The following BICC1 variants were observed in gnomAD, a reference collection of about 807,000 sequenced individuals.
BICC1 encodes protein bicaudal C homolog 1.
Under a neutral mutation model 111.0 loss-of-function variants are expected in BICC1, and 43 were observed. That is an observed-to-expected ratio of 0.39 (90% CI 0.30 to 0.50). The LOEUF is 0.50. Among genes scored for constraint, BICC1 ranks in the 20% least tolerant of loss-of-function variants. The pLI is 0.88. For missense variants in BICC1, 1,091 were observed against 1,203.2 expected, an observed-to-expected ratio of 0.91 and a Z score of 1.38; for synonymous variants, 467 against 434.4, an observed-to-expected ratio of 1.07 and a Z score of -0.93.
intron 3 of BICC1, among the ~76,000 whole-genome samples, chr10:58,783,030 C>A (rs1415317316): frequency 6.6e-6 from 1 of 152,172 alleles, no homozygotes; most frequent in African/African-American, 2.4e-5. Flanking sequence ...TTGTGCCTTG[C>A]TGTTAGGCCC....
In BICC1 at chr10:58,820,719, A is replaced by G. The variant is rs571573892; in HGVS notation, c.2794+251A>G. Among the ~76,000 whole-genome samples the G allele has an allele frequency of 2.0e-5, 3 of 152,288 alleles. No individual in the cohort carries two copies. In the East Asian group the frequency reaches 5.8e-4, roughly 29 times the overall value. ...TAGATCTCTTCAGAAAGATCTAACC[A>G]AAATCGCCCTATGCAGAACATGAGA... is the stretch of plus-strand genomic sequence containing the variant. On this transcript the variant is annotated intron_variant, in intron 20 of 20. Coordinates refer to ENST00000373886, the MANE Select transcript of BICC1 (RefSeq NM_001080512.3).
chr10:58,580,834 T>C (rs1017770794), intron 1 of BICC1, among the ~76,000 whole-genome samples: 40 of 152,318 alleles, frequency 2.6e-4, no homozygotes, highest in African/African-American at 9.1e-4. Flanking sequence ...GAGCTAGTGG[T>C]TTTTAAAGCT....
chr10:58,589,507 T>C (rs1233804000), intron 1 of BICC1, among the ~76,000 whole-genome samples: 1 of 152,098 alleles, frequency 6.6e-6, no homozygotes, highest in Non-Finnish European at 1.5e-5. Context: ...GATCTCACTT[T>C]GTCACTCAAG....
intron 3 of BICC1, among the ~76,000 whole-genome samples, chr10:58,731,510 C>T (rs1244033135): frequency 2.0e-5 from 3 of 152,128 alleles, no homozygotes; most frequent in Non-Finnish European, 4.4e-5. Flanking sequence ...CTGTATTAGT[C>T]TGTTCTTGCA....
At chr10:58,744,932 A>G (rs1199864158) in intron 3 of BICC1, among the ~76,000 whole-genome samples, 2 of 152,150 alleles carry the variant, frequency 1.3e-5, no homozygotes, top group Admixed American at 6.6e-5. Context: ...AGAAATGAGA[A>G]AGATTGACCC....
At chr10:58,764,288 A>G (rs1396377711) in intron 3 of BICC1, among the ~76,000 whole-genome samples, 2 of 152,332 alleles carry the variant, frequency 1.3e-5, no homozygotes, top group Non-Finnish European at 2.9e-5. Context: ...TCAGAGGCCC[A>G]TAATCAGCTT....
At chr10:58,704,522 A>G (rs1417919803) in intron 3 of BICC1, among the ~76,000 whole-genome samples, 1 of 152,204 alleles carries the variant, frequency 6.6e-6, no homozygotes, top group African/African-American at 2.4e-5. Context: ...GTATTTAATA[A>G]AAGTGAAATG....
At chr10:58,610,072 T>A (rs1845367653) in intron 1 of BICC1, among the ~76,000 whole-genome samples, 3 of 152,212 alleles carry the variant, frequency 2.0e-5, no homozygotes, top group South Asian at 4.1e-4. Flanking sequence ...AAGTCTTCAT[T>A]GTTAGGCCAA....
chr10:58,518,593 G>A (rs61351507), intron 1 of BICC1, among the ~76,000 whole-genome samples: 1 of 83,550 alleles, frequency 1.2e-5, no homozygotes, highest in Non-Finnish European at 2.5e-5. Flanking sequence ...TGTGTGTTGG[G>A]GGGGGGGGGG....
At chr10:58,658,567 C>T (rs1468456114) in intron 2 of BICC1, among the ~76,000 whole-genome samples, 1 of 152,102 alleles carries the variant, frequency 6.6e-6, no homozygotes, top group Non-Finnish European at 1.5e-5. Context: ...GTGTTTGTTA[C>T]TTAGCATTGT....
chr10:58,672,055 T>C (rs1364543147), intron 2 of BICC1, among the ~76,000 whole-genome samples: 1 of 152,186 alleles, frequency 6.6e-6, no homozygotes, highest in Admixed American at 6.5e-5. Context: ...GTTGGAATTT[T>C]TTAAGGTTTA....
At chr10:58,543,828 A>G (rs1467601049) in intron 1 of BICC1, among the ~76,000 whole-genome samples, 2 of 65,268 alleles carry the variant, frequency 3.1e-5, no homozygotes, top group Non-Finnish European at 3.1e-5. Context: ...TTTTTTAACC[A>G]TAATTAAAAA....
At chr10:58,757,413 T>C (rs17750848) in intron 3 of BICC1, among the ~76,000 whole-genome samples, 2,482 of 152,274 alleles carry the variant, frequency 0.016, 39 homozygotes, top group Non-Finnish European at 0.023. Flanking sequence ...ATGTTTCTAC[T>C]GGAAAATGCA....
chr10:58,606,472 T>G (rs1213653099), intron 1 of BICC1, among the ~76,000 whole-genome samples: 1 of 150,812 alleles, frequency 6.6e-6, no homozygotes, highest in Non-Finnish European at 1.5e-5. Context: ...AGATGACGAG[T>G]TAGTGGGTGC....
At chr10:58,644,825 G>T (rs1178828993) in intron 2 of BICC1, among the ~76,000 whole-genome samples, 1 of 152,072 alleles carries the variant, frequency 6.6e-6, no homozygotes, top group African/African-American at 2.4e-5. Context: ...TAAGTTAAAA[G>T]CAGTGATAGA....
Position 58,513,078 on chromosome 10 carries a change from C to A in BICC1, c.-66C>A. ...CTGGGAGCCAGTTGAGCCCGGCCGG[C>A]GAGCGGAGGCGGCAGCGCAGGCAGA... On this transcript the variant is annotated 5_prime_UTR_variant, in exon 1 of 21. Transcript: ENST00000373886. 8.1e-7 allele frequency: 1 copy of A among 1,234,382 alleles called. No individual in the cohort carries two copies. The highest frequency in any genetic ancestry group is 1.0e-6 in the Non-Finnish European group (1 of 975,090). 76.5% of individuals were successfully genotyped at this position (1,234,382 alleles called of 1,614,324 possible). A position where few individuals can be genotyped will look rare whatever the true frequency, so the allele number is the denominator to read the frequency against.
At chr10:58,646,964 T>C (rs1471329505) in intron 2 of BICC1, among the ~76,000 whole-genome samples, 1 of 152,062 alleles carries the variant, frequency 6.6e-6, no homozygotes, top group Non-Finnish European at 1.5e-5. Flanking sequence ...TATATACTTA[T>C]AGAAAGAAAA....
At chr10:58,681,526 A>G (rs1250745936) in intron 2 of BICC1, among the ~76,000 whole-genome samples, 3 of 152,218 alleles carry the variant, frequency 2.0e-5, no homozygotes, top group African/African-American at 7.2e-5. Flanking sequence ...GGATGTGGAG[A>G]AATAGGAATG....
intron 2 of BICC1, among the ~76,000 whole-genome samples, chr10:58,658,337 G>A (rs552805659): frequency 2.6e-5 from 4 of 152,080 alleles, no homozygotes; most frequent in Non-Finnish European, 4.4e-5. Context: ...GTAGGTGCAC[G>A]CCACCAAGTC....
Sources: gnomAD v4.1 joint callset for allele counts (sites outside exome capture counted in the v4.1 genomes callset) on GRCh38, gnomAD v4.1.1 for gene constraint, MANE v1.5 for transcripts, NCBI Gene and HGNC (gene_info 2026-07-23, HGNC 2026-07-21) for gene names.